NRDE2: variants seen among roughly 807,000 people sequenced by gnomAD.
NRDE2 encodes the protein nuclear exosome regulator NRDE2.
A neutral mutation model predicts 124.2 loss-of-function variants in NRDE2; 76 were observed. That is an observed-to-expected ratio of 0.61 (90% CI 0.51 to 0.74). The LOEUF (loss-of-function observed/expected upper bound fraction) is 0.74, where lower values mean the gene tolerates loss of function less well. NRDE2 is among the 30% of genes least tolerant of loss of function. The pLI, the probability that NRDE2 is intolerant of heterozygous loss-of-function variation, is 0.00. For synonymous variants in NRDE2, 489 were observed against 528.1 expected (o/e 0.93, Z 1.01); for missense variants, 1,314 against 1,417.3 (o/e 0.93, Z 1.17).
chr14:90,289,031 G>A lies in NRDE2; in HGVS notation c.2344C>T (p.Leu782=), dbSNP rs1892197053. ...TCCAGATGTGCATACTGCTTCCACAGGCAAAAGTTGTTGCAGTTTTCTGGC... is the reference window on the plus strand; with the variant it reads ...TCCAGATGTGCATACTGCTTCCACAAGCAAAAGTTGTTGCAGTTTTCTGGC... ...KEPENCNNFC[L]WKQYAHLEWL... The change falls in exon 11 of 14, where the codon CTG becomes TTG. Residue 782 remains leucine (L), a synonymous_variant. Coordinates refer to ENST00000354366, the MANE Select transcript of NRDE2 (RefSeq NM_017970.4). 1 of 1,614,166 alleles carries A rather than the reference G, an allele frequency of 6.2e-7. No homozygotes were observed. Among genetic ancestry groups the A allele is most frequent in the South Asian group, 1.1e-5 (1 of 91,086 alleles).
rs1277620963 is a variant in NRDE2, at chr14:90,278,449, C to T, written c.3382G>A (p.Asp1128Asn). 3 of 1,614,114 alleles carry T rather than the reference C, an allele frequency of 1.9e-6. No individual in the cohort carries two copies. In the South Asian group the frequency reaches 3.3e-5, roughly 18 times the overall value. ...NCPWAKVLYL[D>N]AVEYFPDEMQ... ...TCATCGGGGAAATACTCCACGGCGT[C>T]CAGGTACAACACCTAGGGGGCAGGC... Residue 1128 changes from aspartate to asparagine, a missense_variant, in exon 14 of 14, where the codon GAC becomes AAC. Coordinates refer to ENST00000354366, the MANE Select transcript of NRDE2 (RefSeq NM_017970.4).
At chr14:90,289,288 G>T in intron 10 of NRDE2, 143 bp from the exon 11 acceptor site, 2 of 652,282 alleles carry the variant, frequency 3.1e-6, no homozygotes, top group Non-Finnish European at 2.6e-6. Context: ...GAGGCTCTCT[G>T]AGCTGGAAAA....
intron 4 of NRDE2, among the ~76,000 whole-genome samples, chr14:90,305,287 C>T (rs575303024): frequency 2.0e-5 from 3 of 152,190 alleles, no homozygotes; most frequent in Non-Finnish European, 2.9e-5. Context: ...TGGTGAGTAA[C>T]CTGTGGAGTA....
rs768142205 is a variant in NRDE2, at chr14:90,292,792, C to T, written c.1747G>A (p.Ala583Thr). The change falls in exon 9 of 14, where the codon GCT becomes ACT. Residue 583 changes from alanine to threonine, a missense_variant. Physicochemically the swap from Ala to Thr is moderately conservative, Grantham distance 58 (BLOSUM62 0). Transcript: ENST00000354366. ...TGCCTCTGGTCACGGGAACGCTCAGCAGCAAGCCAGATCTGCCACCTGGGC... is the reference window on the plus strand; with the variant it reads ...TGCCTCTGGTCACGGGAACGCTCAGTAGCAAGCCAGATCTGCCACCTGGGC... ...TLPRWQIWLA[A>T]ERSRDQRHWR... 8.1e-6 allele frequency: 13 copies of T among 1,614,114 alleles called. No individual in the cohort carries two copies. The highest frequency in any genetic ancestry group is 1.6e-4 in the Middle Eastern group (1 of 6,084).
chr14:90,283,534 G>A (rs934805816), intron 12 of NRDE2, among the ~76,000 whole-genome samples: 1 of 152,118 alleles, frequency 6.6e-6, no homozygotes, highest in Admixed American at 6.5e-5. Context: ...GATGACAGGA[G>A]TGGAGGTTTC....
intron 9 of NRDE2, among the ~76,000 whole-genome samples, chr14:90,292,451 G>A (rs1261768410): frequency 1.3e-5 from 2 of 152,140 alleles, no homozygotes; most frequent in African/African-American, 2.4e-5. Flanking sequence ...ACCTACTAGG[G>A]GACAGAAGCT....
chr14:90,296,191 C>G (rs183603847), intron 8 of NRDE2, among the ~76,000 whole-genome samples: 1 of 152,178 alleles, frequency 6.6e-6, no homozygotes, highest in Non-Finnish European at 1.5e-5. Context: ...AAAAACTAAG[C>G]CTAAAAACAC....
At chr14:90,282,490 C>A (rs79401126) in intron 12 of NRDE2, among the ~76,000 whole-genome samples, 30 of 144,528 alleles carry the variant, frequency 2.1e-4, no homozygotes, top group Middle Eastern at 3.6e-3. Flanking sequence ...AAAAAAAAAA[C>A]AAAAAAAACT....
chr14:90,316,905 T>C, intron 2 of NRDE2, 94 bp from the exon 3 acceptor site: 2 of 828,820 alleles, frequency 2.4e-6, no homozygotes, highest in Non-Finnish European at 3.8e-6. Context: ...AAGATGGAAC[T>C]ATATAAATGT....
intron 3 of NRDE2, among the ~76,000 whole-genome samples, chr14:90,315,947 A>C (rs1298470237): frequency 7.1e-6 from 1 of 140,952 alleles, no homozygotes; most frequent in African/African-American, 2.7e-5. Context: ...ACTGGAGTGA[A>C]ACCCCGTCTC....
intron 3 of NRDE2, among the ~76,000 whole-genome samples, chr14:90,313,472 T>C (rs1884927375): frequency 6.6e-6 from 1 of 152,124 alleles, no homozygotes; most frequent in Non-Finnish European, 1.5e-5. Context: ...GTTTTGCTTA[T>C]ACATCTGGAC....
At chr14:90,294,988 G>A (rs1884090529) in intron 8 of NRDE2, among the ~76,000 whole-genome samples, 1 of 152,282 alleles carries the variant, frequency 6.6e-6, no homozygotes, top group Middle Eastern at 3.4e-3. Context: ...TACTGTGAGG[G>A]AGCCCTGCAG....
At chr14:90,326,166 G>C (rs946152244) in intron 1 of NRDE2, among the ~76,000 whole-genome samples, 4 of 152,028 alleles carry the variant, frequency 2.6e-5, no homozygotes, top group Admixed American at 2.6e-4. Flanking sequence ...CGATCTCCAG[G>C]ATCTAAGGTA....
chr14:90,288,353 G>T lies in NRDE2; in HGVS notation c.3022C>A (p.Gln1008Lys). Residue 1008 changes from glutamine (Q) to lysine (K), a missense_variant, in exon 11 of 14, where the codon CAG (glutamine) becomes AAG (lysine). Gln to Lys is a moderately conservative substitution (Grantham distance 53, BLOSUM62 1). Transcript: ENST00000354366. ...QVLWRSYVQI[Q>K]NKSHSASKTR... ...TTGCTGGCACTGTGGGACTTATTCTGAATCTGTACATAGGACCTCCAAAGA... is the reference window on the plus strand; with the variant it reads ...TTGCTGGCACTGTGGGACTTATTCTTAATCTGTACATAGGACCTCCAAAGA... 2 of 1,614,174 alleles carry T rather than the reference G, an allele frequency of 1.2e-6. No homozygotes were observed. Among genetic ancestry groups the T allele is most frequent in the Non-Finnish European group, 1.7e-6 (2 of 1,180,026 alleles).
At chr14:90,308,018 G>A (rs1172399780) in intron 4 of NRDE2, among the ~76,000 whole-genome samples, 1 of 152,156 alleles carries the variant, frequency 6.6e-6, no homozygotes, top group Non-Finnish European at 1.5e-5. Context: ...AAAGTGCTGG[G>A]ACTACAGGTG....
At chr14:90,285,599 G>A (rs1355189700) in intron 12 of NRDE2, among the ~76,000 whole-genome samples, 17 of 151,452 alleles carry the variant, frequency 1.1e-4, no homozygotes, top group Admixed American at 1.1e-3. Flanking sequence ...ACCATGCCCA[G>A]CCGGAAATGT....
At chr14:90,319,010 T>C (rs1885149316) in intron 1 of NRDE2, among the ~76,000 whole-genome samples, 1 of 152,218 alleles carries the variant, frequency 6.6e-6, no homozygotes, top group Non-Finnish European at 1.5e-5. Context: ...TAAATGTGAA[T>C]ACTGTGATGA....
intron 2 of NRDE2, among the ~76,000 whole-genome samples, chr14:90,317,154 T>TA (rs1196085481): frequency 6.6e-6 from 1 of 152,192 alleles, no homozygotes. Flanking sequence ...CTCATGCCTA[T>TA]AATCCTAGCA....
chr14:90,285,135 T>C (rs1457207871), intron 12 of NRDE2, among the ~76,000 whole-genome samples: 1 of 151,510 alleles, frequency 6.6e-6, no homozygotes, highest in Non-Finnish European at 1.5e-5. Context: ...AAAAATAAGC[T>C]GGACTCACGC....
Sources: gnomAD v4.1 joint callset for allele counts (sites outside exome capture counted in the v4.1 genomes callset) on GRCh38, gnomAD v4.1.1 for gene constraint, MANE v1.5 for transcripts, NCBI Gene and HGNC (gene_info 2026-07-23, HGNC 2026-07-21) for gene names.